The following DPYSL2 variants were observed in gnomAD, a reference collection of about 807,000 sequenced individuals.
DPYSL2 encodes the protein dihydropyrimidinase-related protein 2.
In DPYSL2, 13 loss-of-function variants were observed where a neutral mutation model predicts 69.9. The ratio of observed to expected loss-of-function variants is 0.19; its 90% confidence interval spans 0.12 to 0.30. The LOEUF (loss-of-function observed/expected upper bound fraction) is 0.30, where lower values mean the gene tolerates loss of function less well. DPYSL2 is among the 10% of genes least tolerant of loss of function. DPYSL2 has a pLI of 1.00. For synonymous variants in DPYSL2, 326 were observed against 359.1 expected (o/e 0.91, Z 1.04); for missense variants, 587 against 918.9 (o/e 0.64, Z 4.67).
intron 1 of DPYSL2, among the ~76,000 whole-genome samples, chr8:26,547,220 G>T (rs13278883): frequency 0.35 from 52,662 of 151,782 alleles, 11,437 homozygotes; most frequent in East Asian, 0.67. Flanking sequence ...AAAATTAGCC[G>T]GGTGTGGTGG....
intron 1 of DPYSL2, among the ~76,000 whole-genome samples, chr8:26,575,624 A>G (rs1383025624): frequency 6.6e-6 from 1 of 152,236 alleles, no homozygotes; most frequent in Non-Finnish European, 1.5e-5. Flanking sequence ...AGAACCTCAT[A>G]GCAATGGCTA....
At position 26,612,245 on chromosome 8, in the gene DPYSL2, G is replaced by A. The variant is rs147039736; in HGVS notation, c.629-11898G>A. Among the ~76,000 whole-genome samples, 141 of 152,326 alleles carry A rather than the reference G, an allele frequency of 9.3e-4. 1 individual carries two copies. The highest frequency in any genetic ancestry group is 3.2e-3 in the African/African-American group (133 of 41,568). ...GGGGTGACATCCTGATGCATTGCTGGTGACAGAGTGAAGAGGTGACACATT... is the reference window on the plus strand; with the variant it reads ...GGGGTGACATCCTGATGCATTGCTGATGACAGAGTGAAGAGGTGACACATT... On this transcript the variant is annotated intron_variant, in intron 3 of 13. Transcript: ENST00000521913.
chr8:26,529,272 CTATCATCTATCT>C (rs777859445), intron 1 of DPYSL2, among the ~76,000 whole-genome samples: 6,752 of 147,040 alleles, frequency 0.046, 214 homozygotes, highest in Non-Finnish European at 0.058. Context: ...ATCTATCTAT[CTATCATCTATCT>C]ATCTATCTAT....
In DPYSL2 at chr8:26,562,509, A is replaced by C. The variant is rs986423327; in HGVS notation, c.355-19460A>C. Among the ~76,000 whole-genome samples, 39 of 152,148 alleles carry C rather than the reference A, an allele frequency of 2.6e-4. 1 individual carries two copies. Among genetic ancestry groups the C allele is most frequent in the Admixed American group, 1.6e-3 (24 of 15,274 alleles). ...GCACCACCACACTACAGCTGGAATA[A>C]TATATAAAAAGTATTGGTCAGATTT... is the stretch of plus-strand genomic sequence containing the variant. On this transcript the variant is annotated intron_variant, in intron 1 of 13. Coordinates refer to ENST00000521913, the MANE Select transcript of DPYSL2 (RefSeq NM_001197293.3). The surrounding 1 kb of genome is among the most constrained non-coding windows in gnomAD (Gnocchi z 4.9).
rs115855830 is a variant in DPYSL2 at position 26,571,334 on chromosome 8, C to T, written c.355-10635C>T. Among the ~76,000 whole-genome samples the T allele has an allele frequency of 3.0e-3, 463 of 152,258 alleles. 3 individuals are homozygous for T. Among genetic ancestry groups the T allele is most frequent in the African/African-American group, 0.01 (431 of 41,550 alleles). On this transcript the variant is annotated intron_variant, in intron 1 of 13. Transcript: ENST00000521913. This position sits in a 1 kb window ranked among gnomAD's most constrained non-coding sequence, Gnocchi z 6.1. ...GGAGGGGAGTACTTGGGCACACCAA[C>T]GGAAACAAGTGATCTCCAAGGCCCT...
rs1160721038 is a variant in DPYSL2, at chr8:26,560,468, T to A, written c.355-21501T>A. 6.6e-6 allele frequency among the ~76,000 whole-genome samples: 1 copy of A among 152,176 alleles called. No homozygotes were observed. Among genetic ancestry groups the A allele is most frequent in the East Asian group, 1.9e-4 (1 of 5,186 alleles). On this transcript the variant is annotated intron_variant, in intron 1 of 13. Coordinates refer to ENST00000521913, the MANE Select transcript of DPYSL2 (RefSeq NM_001197293.3). The surrounding 1 kb of genome is among the most constrained non-coding windows in gnomAD (Gnocchi z 4.4). ...AAGGTCTGGACCTCCATTTACTCGATGTTGAAGGCAGACATAAATGAGTTT... is the reference window on the plus strand; with the variant it reads ...AAGGTCTGGACCTCCATTTACTCGAAGTTGAAGGCAGACATAAATGAGTTT...
rs1801507710 is a variant in DPYSL2 at position 26,582,251 on chromosome 8, A to C, written c.443+194A>C. ...TCAAATTTAGGGAATTCAAAGCAAC[A>C]ATTAATGTACACCCGTTGCATTAGG... On this transcript the variant is annotated intron_variant, in intron 2 of 13. Transcript: ENST00000521913. This position sits in a 1 kb window ranked among gnomAD's most constrained non-coding sequence, Gnocchi z 4.1. 6.6e-6 allele frequency among the ~76,000 whole-genome samples: 1 copy of C among 152,244 alleles called. No individual in the cohort carries two copies. Among genetic ancestry groups the C allele is most frequent in the Non-Finnish European group, 1.5e-5 (1 of 68,046 alleles).
At chr8:26,522,457 G>A (rs58817653) in intron 1 of DPYSL2, among the ~76,000 whole-genome samples, 76 of 152,154 alleles carry the variant, frequency 5.0e-4, no homozygotes, top group Non-Finnish European at 8.5e-4. Context: ...ACCATTTTGC[G>A]TTGCCACCAG....
At chr8:26,535,019 A>T (rs1380480384) in intron 1 of DPYSL2, among the ~76,000 whole-genome samples, 1 of 152,196 alleles carries the variant, frequency 6.6e-6, no homozygotes, top group Non-Finnish European at 1.5e-5. Context: ...CTACATCATT[A>T]TGTGTCTTAG....
intron 3 of DPYSL2, among the ~76,000 whole-genome samples, chr8:26,596,952 T>G (rs1487188996): frequency 6.6e-6 from 1 of 152,212 alleles, no homozygotes; most frequent in African/African-American, 2.4e-5. Flanking sequence ...AGGGCTCCTA[T>G]CCATCCTGGA....
chr8:26,549,582 A>T (rs1800839651), intron 1 of DPYSL2, among the ~76,000 whole-genome samples: 1 of 152,198 alleles, frequency 6.6e-6, no homozygotes, highest in South Asian at 2.1e-4. Context: ...AACACCAAGC[A>T]GGATCAGTAC....
In DPYSL2 at chr8:26,627,623, G is replaced by A. The variant is rs778538218; in HGVS notation, c.937-249G>A. Among the ~76,000 whole-genome samples, 6 of 152,340 alleles carry A rather than the reference G, an allele frequency of 3.9e-5. No homozygotes were observed. The highest frequency in any genetic ancestry group is 7.3e-5 in the Non-Finnish European group (5 of 68,034). On this transcript the variant is annotated intron_variant, in intron 6 of 13. Coordinates refer to ENST00000521913, the MANE Select transcript of DPYSL2 (RefSeq NM_001197293.3). This position sits in a 1 kb window ranked among gnomAD's most constrained non-coding sequence, Gnocchi z 6.9. ...TACACCGTGGCTGAGGGTTGCAAAT[G>A]CACCAGTCGTCAGCATCCCAGGGAA...
rs548026508 is a variant in DPYSL2, at chr8:26,514,871, C to A, written c.354+192C>A. ...AGGCTCGGGCTGGGCGGTGGGCGGC[C>A]GTGCGCCCACAAAGGCTGCCCGCGT... On this transcript the variant is annotated intron_variant, in intron 1 of 13. Coordinates refer to ENST00000521913, the MANE Select transcript of DPYSL2 (RefSeq NM_001197293.3). This position sits in a 1 kb window ranked among gnomAD's most constrained non-coding sequence, Gnocchi z 8.4. Among the ~76,000 whole-genome samples, 2 of 152,150 alleles carry A rather than the reference C, an allele frequency of 1.3e-5. No individual in the cohort carries two copies. Among genetic ancestry groups the A allele is most frequent in the African/African-American group, 2.4e-5 (1 of 41,446 alleles).
In DPYSL2 at chr8:26,652,798, T is replaced by C. The variant is rs934840097; in HGVS notation, c.1776+362T>C. On this transcript the variant is annotated intron_variant, in intron 12 of 13. Transcript: ENST00000521913. This position sits in a 1 kb window ranked among gnomAD's most constrained non-coding sequence, Gnocchi z 6.3. The stretch of plus-strand genomic sequence containing the variant: ...AAGTCAAAGAAGGGAGATGAGGGAA[T>C]TTGATAAGAGTATCATGAGCATAGA... Among the ~76,000 whole-genome samples the C allele has an allele frequency of 2.0e-5, 3 of 151,870 alleles. No homozygotes were observed. Among genetic ancestry groups the C allele is most frequent in the African/African-American group, 7.3e-5 (3 of 41,316 alleles).
chr8:26,576,992 A>T, intron 1 of DPYSL2: 1 of 309,212 alleles, frequency 3.2e-6, no homozygotes, highest in South Asian at 2.2e-5. Flanking sequence ...AGATCGCGCC[A>T]CATCGGCCTC....
intron 1 of DPYSL2, among the ~76,000 whole-genome samples, chr8:26,554,814 A>G (rs1013606717): frequency 6.6e-6 from 1 of 152,204 alleles, no homozygotes; most frequent in Non-Finnish European, 1.5e-5. Context: ...CAAAGGCATT[A>G]TAAGAAAAGA....
chr8:26,525,876 T>A (rs543455342), intron 1 of DPYSL2, among the ~76,000 whole-genome samples: 351 of 152,336 alleles, frequency 2.3e-3, no homozygotes, highest in African/African-American at 8.3e-3. Flanking sequence ...TTAACCAGAA[T>A]TATATTAAAT....
chr8:26,616,573 A>G (rs1802352907), intron 3 of DPYSL2, among the ~76,000 whole-genome samples: 2 of 152,246 alleles, frequency 1.3e-5, no homozygotes, highest in South Asian at 4.1e-4. Flanking sequence ...ACTATTTGGA[A>G]TAAGATCCTG....
intron 3 of DPYSL2, among the ~76,000 whole-genome samples, chr8:26,616,605 G>GT (rs1351705135): frequency 7.2e-5 from 11 of 152,248 alleles, no homozygotes; most frequent in Admixed American, 6.5e-4. Flanking sequence ...TGCTGATAGA[G>GT]TAAATATCCA....
Sources: allele counts gnomAD v4.1 joint callset (sites outside exome capture counted in the v4.1 genomes callset), GRCh38; gene constraint gnomAD v4.1.1; non-coding constraint Gnocchi (gnomAD v3.1); transcripts MANE v1.5; gene names NCBI Gene and HGNC (gene_info 2026-07-23, HGNC 2026-07-21).